The following DACH1 variants were observed in gnomAD, a reference collection of about 807,000 sequenced individuals.
The protein encoded by DACH1 is dachshund homolog 1.
DACH1 carries 12 observed loss-of-function variants against 54.2 expected under a neutral mutation model. That is an observed-to-expected ratio of 0.22 (90% CI 0.14 to 0.36). The LOEUF (loss-of-function observed/expected upper bound fraction) is 0.36, where lower values mean the gene tolerates loss of function less well. DACH1 is among the 10% of genes least tolerant of loss of function. DACH1 has a pLI of 1.00. For missense variants in DACH1, 805 were observed against 929.8 expected (o/e 0.87, Z 1.75); for synonymous variants, 386 against 366.2 (o/e 1.05, Z -0.62).
chr13:71,655,656 C>G (rs1249301709), intron 2 of DACH1, among the ~76,000 whole-genome samples: 5 of 152,036 alleles, frequency 3.3e-5, no homozygotes, highest in Admixed American at 3.3e-4. Context: ...CAGACGTGAG[C>G]CACTGAGCCT....
At chr13:71,448,694 C>T (rs1446986426) in intron 10 of DACH1, among the ~76,000 whole-genome samples, 1 of 152,174 alleles carries the variant, frequency 6.6e-6, no homozygotes, top group Non-Finnish European at 1.5e-5. Flanking sequence ...GAATAATTAT[C>T]AGTTCTTCTC....
chr13:71,687,214 T>C (rs377112595), intron 1 of DACH1, among the ~76,000 whole-genome samples: 1 of 152,146 alleles, frequency 6.6e-6, no homozygotes, highest in South Asian at 2.1e-4. Context: ...TTTATATATG[T>C]ATGTATGTTT....
chr13:71,618,496 C>T (rs1566382386), intron 3 of DACH1, among the ~76,000 whole-genome samples: 1 of 151,926 alleles, frequency 6.6e-6, no homozygotes, highest in East Asian at 1.9e-4. Flanking sequence ...GCTTGTATTA[C>T]TTTTTTCCTT....
chr13:71,849,248 G>T (rs572202637), intron 1 of DACH1, among the ~76,000 whole-genome samples: 18 of 152,314 alleles, frequency 1.2e-4, no homozygotes, highest in Middle Eastern at 3.4e-3. Flanking sequence ...TGGAGGAGAT[G>T]AAAATACTTC....
At chr13:71,628,786 C>T (rs1053320057) in intron 3 of DACH1, among the ~76,000 whole-genome samples, 4 of 152,050 alleles carry the variant, frequency 2.6e-5, no homozygotes, top group African/African-American at 9.7e-5. Context: ...TATGTTGATG[C>T]TTAATTATGA....
intron 1 of DACH1, among the ~76,000 whole-genome samples, chr13:71,717,505 CA>C: frequency 6.0e-4 from 1 of 1,666 alleles, no homozygotes; most frequent in South Asian, 0.025. Context: ...TGTGTGTAAT[CA>C]CACACACACA....
chr13:71,626,099 C>T (rs1011420663), intron 3 of DACH1, among the ~76,000 whole-genome samples: 1 of 151,676 alleles, frequency 6.6e-6, no homozygotes, highest in Non-Finnish European at 1.5e-5. Context: ...CTTTTCCTGC[C>T]TCTTGGTAAA....
chr13:71,748,880 T>C (rs1385680714), intron 1 of DACH1, among the ~76,000 whole-genome samples: 15 of 16,612 alleles, frequency 9.0e-4, no homozygotes, highest in African/African-American at 1.6e-3. Context: ...CTTTCTTTCT[T>C]TCTTTCTTTC....
intron 1 of DACH1, among the ~76,000 whole-genome samples, chr13:71,692,729 G>T (rs1443404028): frequency 6.6e-6 from 1 of 151,472 alleles, no homozygotes; most frequent in Non-Finnish European, 1.5e-5. Context: ...CACCATATTG[G>T]CCAGGCTGGT....
intron 6 of DACH1, among the ~76,000 whole-genome samples, chr13:71,524,073 C>CAA (rs1366610080): frequency 4.6e-5 from 7 of 152,104 alleles, no homozygotes; most frequent in African/African-American, 1.7e-4. Context: ...TGCTGAATCA[C>CAA]AAGTCTAATT....
chr13:71,676,470 G>A (rs535746345), intron 2 of DACH1, among the ~76,000 whole-genome samples: 73 of 152,142 alleles, frequency 4.8e-4, no homozygotes, highest in African/African-American at 1.5e-3. Context: ...CACCCGCCTC[G>A]GCCCCCCAAA....
chr13:71,665,408 T>G (rs1879767476), intron 2 of DACH1, among the ~76,000 whole-genome samples: 1 of 152,136 alleles, frequency 6.6e-6, no homozygotes, highest in African/African-American at 2.4e-5. Context: ...ATCATGAGAC[T>G]GAACATCTCA....
chr13:71,766,221 T>C (rs1233189700), intron 1 of DACH1, among the ~76,000 whole-genome samples: 1 of 152,156 alleles, frequency 6.6e-6, no homozygotes, highest in African/African-American at 2.4e-5. Context: ...CTAAATTTCC[T>C]ACTCACCTCT....
chr13:71,730,979 A>G (rs1594146704), intron 1 of DACH1, among the ~76,000 whole-genome samples: 1 of 151,944 alleles, frequency 6.6e-6, no homozygotes, highest in Admixed American at 6.6e-5. Flanking sequence ...TTTAATTTAT[A>G]TTTTTTTCAA....
At chr13:71,556,656 G>A (rs767089965) in intron 6 of DACH1, among the ~76,000 whole-genome samples, 8 of 151,928 alleles carry the variant, frequency 5.3e-5, no homozygotes, top group Non-Finnish European at 1.0e-4. Flanking sequence ...AAAGAAGACA[G>A]AATAATCCTT....
chr13:71,826,935 G>A (rs960541337), intron 1 of DACH1, among the ~76,000 whole-genome samples: 89 of 152,060 alleles, frequency 5.9e-4, no homozygotes, highest in East Asian at 5.8e-4. Flanking sequence ...AAAGTCTTCC[G>A]AAAGCTTTAC....
chr13:71,637,169 T>G lies in DACH1; in HGVS notation c.965-6452A>C, dbSNP rs80194474. ...CTTTGGACAAGATGCATCTAACTTA[T>G]CTGGGATGGCGCAGCGAGTTATATA... On this transcript the variant is annotated intron_variant, in intron 2 of 10. Coordinates refer to ENST00000613252, the MANE Select transcript of DACH1 (RefSeq NM_080759.6). 5.0e-3 allele frequency among the ~76,000 whole-genome samples: 764 copies of G among 152,172 alleles called. 7 individuals are homozygous for G. Among genetic ancestry groups the G allele is most frequent in the African/African-American group, 0.016 (674 of 41,540 alleles).
chr13:71,585,836 T>C (rs1310793208), intron 3 of DACH1, among the ~76,000 whole-genome samples: 3 of 152,080 alleles, frequency 2.0e-5, no homozygotes, highest in Non-Finnish European at 1.5e-5. Context: ...ATCCACCACA[T>C]TGACATTGAT....
In DACH1 at chr13:71,700,099, GCA is replaced by G. The variant is rs149264805; in HGVS notation, c.849-18191_849-18190del. Among the ~76,000 whole-genome samples the G allele has an allele frequency of 5.3e-4, 79 of 149,630 alleles. 1 individual carries two copies. Among genetic ancestry groups the G allele is most frequent in the Admixed American group, 1.9e-3 (29 of 15,018 alleles). ...AAAGTGTGTGTGCGTGCATGCATGT[GCA>G]CACACACACACACACACGAGACACA... On this transcript the variant is annotated intron_variant, in intron 1 of 10. Transcript: ENST00000613252.
Sources: allele counts gnomAD v4.1 joint callset (sites outside exome capture counted in the v4.1 genomes callset), GRCh38; gene constraint gnomAD v4.1.1; transcripts MANE v1.5; gene names NCBI Gene and HGNC (gene_info 2026-07-23, HGNC 2026-07-21).